Variants in COL9A1 observed in about 807,000 individuals in gnomAD.
The protein encoded by COL9A1 is collagen type IX alpha 1 chain, also known as collagen alpha-1(IX) chain.
Under a neutral mutation model 142.6 loss-of-function variants are expected in COL9A1, and 104 were observed. That is an observed-to-expected ratio of 0.73 (90% CI 0.62 to 0.86). The LOEUF is 0.86. Ranked by LOEUF, COL9A1 falls within the 40% of genes least tolerant of loss-of-function variation. The pLI, the probability that COL9A1 is intolerant of heterozygous loss-of-function variation, is 0.00. For synonymous variants in COL9A1, 466 were observed against 396.0 expected, an observed-to-expected ratio of 1.18 and a Z score of -2.10; for missense variants, 1,210 against 1,176.6, an observed-to-expected ratio of 1.03 and a Z score of -0.42.
chr6:70,293,552 C>A (rs1773729030), intron 5 of COL9A1, among the ~76,000 whole-genome samples: 1 of 151,314 alleles, frequency 6.6e-6, no homozygotes, highest in South Asian at 2.1e-4. Context: ...TTCTTGTTGA[C>A]CAGACATCAT....
intron 19 of COL9A1, among the ~76,000 whole-genome samples, chr6:70,261,934 C>T (rs1312386477): frequency 6.6e-6 from 1 of 152,056 alleles, no homozygotes; most frequent in Non-Finnish European, 1.5e-5. Flanking sequence ...TTAAAAAGTA[C>T]ATGCTTTTTA....
rs777851915 is a variant in COL9A1, at chr6:70,274,731, T to A, written c.1017A>T (p.Ser339=). 1.9e-6 allele frequency: 3 copies of A among 1,612,358 alleles called. No homozygotes were observed. The highest frequency in any genetic ancestry group is 2.5e-6 in the Non-Finnish European group (3 of 1,178,638). ...GPDGSPGSIG[S]KGQKGEPGVP... ...ATGGCTAACTTACTTTTTGTCCCTT[T>A]GACCCAATGGAGCCAGGGGATCCAT... The change falls in exon 11 of 38, where the codon TCA becomes TCT. Residue 339 remains serine, a synonymous_variant. Coordinates refer to ENST00000357250, the MANE Select transcript of COL9A1 (RefSeq NM_001851.6).
chr6:70,290,150 C>T (rs1773604016), intron 5 of COL9A1, among the ~76,000 whole-genome samples: 1 of 152,042 alleles, frequency 6.6e-6, no homozygotes, highest in Non-Finnish European at 1.5e-5. Context: ...CTTTAATCAC[C>T]CCTCAAACAA....
At chr6:70,301,313 C>A (rs1401092126) in intron 2 of COL9A1, among the ~76,000 whole-genome samples, 1 of 152,064 alleles carries the variant, frequency 6.6e-6, no homozygotes, top group African/African-American at 2.4e-5. Flanking sequence ...CTGTGGCTCA[C>A]GCCTGTAATC....
intron 17 of COL9A1, among the ~76,000 whole-genome samples, chr6:70,267,514 G>A (rs983536529): frequency 7.9e-5 from 12 of 151,950 alleles, no homozygotes; most frequent in African/African-American, 2.7e-4. Context: ...TAGAGACAGC[G>A]TTTCTCCATG....
chr6:70,226,833 G>C (rs1191885801), intron 36 of COL9A1, among the ~76,000 whole-genome samples: 2 of 151,870 alleles, frequency 1.3e-5, no homozygotes, highest in Non-Finnish European at 2.9e-5. Context: ...TTTTTTATCA[G>C]AAAAGAAGAT....
intron 36 of COL9A1, among the ~76,000 whole-genome samples, chr6:70,230,909 G>C (rs1233623055): frequency 6.6e-6 from 1 of 152,152 alleles, no homozygotes; most frequent in Non-Finnish European, 1.5e-5. Flanking sequence ...GAAGAGTTCT[G>C]TTACTAGCTC....
chr6:70,228,704 G>A (rs1386040132), intron 36 of COL9A1, among the ~76,000 whole-genome samples: 1 of 152,108 alleles, frequency 6.6e-6, no homozygotes, highest in Non-Finnish European at 1.5e-5. Context: ...ATGTCTTCAT[G>A]TGAATGTTTT....
chr6:70,265,166 C>T (rs1771931897), intron 18 of COL9A1, among the ~76,000 whole-genome samples: 1 of 151,994 alleles, frequency 6.6e-6, no homozygotes, highest in African/African-American at 2.4e-5. Context: ...AACATCAAAC[C>T]AAATTTGAGA....
chr6:70,272,200 G>T, intron 12 of COL9A1, 112 bp from the exon 13 acceptor site: 1 of 851,868 alleles, frequency 1.2e-6, no homozygotes, highest in Non-Finnish European at 1.8e-6. Context: ...TAAAAATGAT[G>T]CTCATTCTAA....
intron 36 of COL9A1, 35 bp downstream of exon 36, chr6:70,232,548 G>A: frequency 6.2e-7 from 1 of 1,606,308 alleles, no homozygotes; most frequent in Non-Finnish European, 8.5e-7. Context: ...GAAAAAGGTT[G>A]TGTTCTTTGG....
intron 5 of COL9A1, among the ~76,000 whole-genome samples, chr6:70,286,169 T>C (rs1246631441): frequency 6.6e-6 from 1 of 152,188 alleles, no homozygotes; most frequent in Non-Finnish European, 1.5e-5. Context: ...TTATAAGGTG[T>C]GAGCCACCGA....
At chr6:70,295,038 A>G (rs1427632728) in intron 4 of COL9A1, among the ~76,000 whole-genome samples, 2 of 152,202 alleles carry the variant, frequency 1.3e-5, no homozygotes, top group East Asian at 1.9e-4. Flanking sequence ...TTAAAGTAGC[A>G]TGTTAAGATT....
intron 21 of COL9A1, 142 bp downstream of exon 21, chr6:70,256,625 TA>T (rs1771312974): frequency 1.7e-6 from 1 of 598,014 alleles, no homozygotes; most frequent in African/African-American, 1.9e-5. Flanking sequence ...CTGTCTTAAT[TA>T]AATTTAAATT....
At position 70,298,712 on chromosome 6, in the gene COL9A1, A is replaced by C. The variant is rs112632457; in HGVS notation, c.299+1331T>G. ...AAACCTTAGAAGAGAAAATCAGGTC[A>C]GCACTGAGGACCTCATGTTTTGCTT... On this transcript the variant is annotated intron_variant, in intron 4 of 37. Coordinates refer to ENST00000357250, the MANE Select transcript of COL9A1 (RefSeq NM_001851.6). Among the ~76,000 whole-genome samples, 209 of 152,364 alleles carry C rather than the reference A, an allele frequency of 1.4e-3. 1 individual carries two copies. Among genetic ancestry groups the C allele is most frequent in the African/African-American group, 4.9e-3 (202 of 41,578 alleles).
At chr6:70,253,818 C>T (rs701687) in intron 25 of COL9A1, among the ~76,000 whole-genome samples, 4,436 of 152,202 alleles carry the variant, frequency 0.029, 221 homozygotes, top group African/African-American at 0.1. Context: ...ATGAAGACCT[C>T]TCAGAAATGC....
At chr6:70,288,952 G>A (rs73747745) in intron 5 of COL9A1, among the ~76,000 whole-genome samples, 2,125 of 152,164 alleles carry the variant, frequency 0.014, 42 homozygotes, top group African/African-American at 0.049. Context: ...CCTAAAATAA[G>A]GCCTGTAACT....
At chr6:70,232,064 G>GAA (rs35894805) in intron 36 of COL9A1, among the ~76,000 whole-genome samples, 11 of 151,036 alleles carry the variant, frequency 7.3e-5, no homozygotes, top group African/African-American at 2.0e-4. Flanking sequence ...CTTCAGAGCT[G>GAA]AAAAAAAAAT....
intron 19 of COL9A1, among the ~76,000 whole-genome samples, chr6:70,261,993 G>A (rs966002723): frequency 4.6e-5 from 7 of 152,154 alleles, no homozygotes; most frequent in Admixed American, 2.0e-4. Flanking sequence ...AAGCACTAAC[G>A]GATATCCCCC....
Sources: gnomAD v4.1 joint callset for allele counts (sites outside exome capture counted in the v4.1 genomes callset) on GRCh38, gnomAD v4.1.1 for gene constraint, MANE v1.5 for transcripts, NCBI Gene and HGNC (gene_info 2026-07-23, HGNC 2026-07-21) for gene names.